Variants in CBLB observed in about 807,000 individuals in gnomAD.
The protein encoded by CBLB is Cbl proto-oncogene B, also known as E3 ubiquitin-protein ligase CBL-B.
Under a neutral mutation model 104.9 loss-of-function variants are expected in CBLB, and 31 were observed. The observed-to-expected ratio is 0.30, with a 90% CI of 0.22 to 0.40. The LOEUF is 0.40. CBLB is among the 10% of genes least tolerant of loss of function. CBLB has a pLI of 1.00. For missense variants in CBLB, 1,062 were observed against 1,214.6 expected (o/e 0.87, Z 1.87); for synonymous variants, 440 against 422.6 (o/e 1.04, Z -0.51).
intron 3 of CBLB, among the ~76,000 whole-genome samples, chr3:105,785,057 C>A (rs914727674): frequency 1.3e-5 from 2 of 152,166 alleles, no homozygotes; most frequent in Non-Finnish European, 2.9e-5. Flanking sequence ...TGCCAGGGCA[C>A]AAAGGTTTCC....
At chr3:105,814,201 G>A (rs1457623863) in intron 3 of CBLB, among the ~76,000 whole-genome samples, 1 of 152,068 alleles carries the variant, frequency 6.6e-6, no homozygotes, top group Non-Finnish European at 1.5e-5. Context: ...CCCAACTAAA[G>A]CTTTTGTGTG....
intron 2 of CBLB, among the ~76,000 whole-genome samples, chr3:105,854,107 T>C (rs1173498200): frequency 1.3e-5 from 2 of 152,232 alleles, no homozygotes; most frequent in Non-Finnish European, 2.9e-5. Flanking sequence ...CGTTTTGGTG[T>C]ACTGTTCTGA....
At chr3:105,845,599 A>G (rs2090148044) in intron 3 of CBLB, among the ~76,000 whole-genome samples, 1 of 152,020 alleles carries the variant, frequency 6.6e-6, no homozygotes, top group East Asian at 1.9e-4. Flanking sequence ...CAACAAGAAA[A>G]TTACATTGTA....
intron 9 of CBLB, among the ~76,000 whole-genome samples, chr3:105,723,574 T>C (rs1200740219): frequency 6.6e-6 from 1 of 151,950 alleles, no homozygotes; most frequent in East Asian, 1.9e-4. Context: ...AATATAACTT[T>C]AGGTAAACTC....
At chr3:105,707,131 C>T (rs2070275542) in intron 10 of CBLB, among the ~76,000 whole-genome samples, 1 of 152,182 alleles carries the variant, frequency 6.6e-6, no homozygotes, top group Non-Finnish European at 1.5e-5. Context: ...TGAAAATCCT[C>T]AGAACAGACA....
chr3:105,755,972 C>A (rs936485817), intron 4 of CBLB, among the ~76,000 whole-genome samples: 3 of 152,050 alleles, frequency 2.0e-5, no homozygotes, highest in African/African-American at 7.2e-5. Flanking sequence ...AAATTTTGTC[C>A]TTTATGATCC....
chr3:105,753,443 A>G (rs1304536976), intron 4 of CBLB, among the ~76,000 whole-genome samples: 1 of 152,140 alleles, frequency 6.6e-6, no homozygotes, highest in Non-Finnish European at 1.5e-5. Flanking sequence ...ATAAATATGC[A>G]ATTATGTCCA....
chr3:105,663,632 CTCCAACA>C (rs2064052223), intron 18 of CBLB, among the ~76,000 whole-genome samples: 1 of 151,964 alleles, frequency 6.6e-6, no homozygotes, highest in Non-Finnish European at 1.5e-5. Flanking sequence ...TTCTTTCAGC[CTCCAACA>C]GAGTGACAAA....
intron 16 of CBLB, among the ~76,000 whole-genome samples, chr3:105,678,971 A>T (rs1270120174): frequency 6.6e-6 from 1 of 152,202 alleles, no homozygotes; most frequent in African/African-American, 2.4e-5. Flanking sequence ...AAAAGAGTTC[A>T]CAGCCTTTAA....
chr3:105,755,331 A>T (rs1323523120), intron 4 of CBLB, among the ~76,000 whole-genome samples: 1 of 152,170 alleles, frequency 6.6e-6, no homozygotes, highest in Non-Finnish European at 1.5e-5. Flanking sequence ...CAGGGAAATA[A>T]ATCTGGAAAG....
intron 9 of CBLB, among the ~76,000 whole-genome samples, chr3:105,726,046 G>A (rs539742311): frequency 3.7e-4 from 56 of 152,074 alleles, no homozygotes; most frequent in Admixed American, 1.4e-3. Context: ...AACAGGGTTC[G>A]CCATGTTGGC....
intron 14 of CBLB, among the ~76,000 whole-genome samples, chr3:105,683,209 T>A (rs558572072): frequency 6.6e-6 from 1 of 152,236 alleles, no homozygotes; most frequent in African/African-American, 2.4e-5. Flanking sequence ...ACTCATTTAC[T>A]GGGTCACTTT....
At chr3:105,689,297 T>C (rs2067379151) in intron 13 of CBLB, among the ~76,000 whole-genome samples, 2 of 151,656 alleles carry the variant, frequency 1.3e-5, no homozygotes. Flanking sequence ...GAACCAAAAA[T>C]ACAAGGACTT....
At chr3:105,828,232 C>G (rs1242490863) in intron 3 of CBLB, among the ~76,000 whole-genome samples, 2 of 152,158 alleles carry the variant, frequency 1.3e-5, no homozygotes, top group Non-Finnish European at 2.9e-5. Flanking sequence ...CACTTCTACT[C>G]ACATCCAATT....
At chr3:105,757,231 T>C (rs1194933879) in intron 4 of CBLB, among the ~76,000 whole-genome samples, 1 of 152,112 alleles carries the variant, frequency 6.6e-6, no homozygotes, top group Admixed American at 6.5e-5. Context: ...AATTTATAAA[T>C]AAATAATCAA....
At chr3:105,713,280 G>T (rs1158660925) in intron 10 of CBLB, among the ~76,000 whole-genome samples, 1 of 151,746 alleles carries the variant, frequency 6.6e-6, no homozygotes, top group African/African-American at 2.4e-5. Context: ...ATAAAACAAG[G>T]CACATAGATA....
chr3:105,721,059 C>T (rs1022613539), intron 9 of CBLB, among the ~76,000 whole-genome samples: 5 of 152,200 alleles, frequency 3.3e-5, no homozygotes, highest in Non-Finnish European at 7.3e-5. Flanking sequence ...TCTTGCCCTA[C>T]AGACAACATT....
At chr3:105,709,875 AT>A (rs1455089765) in intron 10 of CBLB, among the ~76,000 whole-genome samples, 1 of 151,944 alleles carries the variant, frequency 6.6e-6, no homozygotes, top group Non-Finnish European at 1.5e-5. Context: ...GATAATTACC[AT>A]TACACAAAAC....
chr3:105,769,635 A>G (rs982823523), intron 4 of CBLB, among the ~76,000 whole-genome samples: 5 of 152,230 alleles, frequency 3.3e-5, no homozygotes, highest in African/African-American at 1.2e-4. Context: ...GACAATGAGG[A>G]GTAAAAAATG....
Sources: gnomAD v4.1 joint callset for allele counts (sites outside exome capture counted in the v4.1 genomes callset) on GRCh38, gnomAD v4.1.1 for gene constraint, MANE v1.5 for transcripts, NCBI Gene and HGNC (gene_info 2026-07-23, HGNC 2026-07-21) for gene names.